The following SORCS2 variants were observed in gnomAD, a reference collection of about 807,000 sequenced individuals.
The protein encoded by SORCS2 is VPS10 domain-containing receptor SorCS2.
SORCS2 carries 100 observed loss-of-function variants against 141.6 expected under a neutral mutation model. The ratio of observed to expected loss-of-function variants is 0.71; its 90% CI spans 0.60 to 0.83. SORCS2 has a LOEUF of 0.83. Among genes scored for constraint, SORCS2 ranks in the 40% least tolerant of loss-of-function variants. SORCS2 has a pLI of 0.00. For synonymous variants in SORCS2, 789 were observed against 676.9 expected (o/e 1.17, Z -2.57); for missense variants, 1,646 against 1,560.2 (o/e 1.05, Z -0.93).
At chr4:7,689,464 G>T in intron 10 of SORCS2, 22 bp from the exon 11 acceptor site, 1 of 1,569,976 alleles carries the variant, frequency 6.4e-7, no homozygotes. Flanking sequence ...GTTGACAGTT[G>T]CGTCCTTTCT....
rs537141540 is a variant in SORCS2 at position 7,740,917 on chromosome 4, C to T, written c.*653C>T. On this transcript the variant is annotated 3_prime_UTR_variant, in exon 27 of 27. Transcript: ENST00000507866. ...CACCGGGGTGGCTCTGTCAGAGTTCCGTACTCGGGAGCCCCTTTCCCTGAG... is the reference window on the plus strand; with the variant it reads ...CACCGGGGTGGCTCTGTCAGAGTTCTGTACTCGGGAGCCCCTTTCCCTGAG... 41 of 398,080 alleles carry T rather than the reference C, an allele frequency of 1.0e-4. No individual in the cohort carries two copies. Among genetic ancestry groups the T allele is most frequent in the South Asian group, 2.8e-4 (2 of 7,046 alleles). The allele number at this position is 398,080 out of a possible 1,614,324, so 24.7% of individuals were successfully genotyped here. A position where few individuals can be genotyped will look rare whatever the true frequency, so the allele number is the denominator to read the frequency against.
At chr4:7,305,585 C>T (rs1457671643) in intron 1 of SORCS2, among the ~76,000 whole-genome samples, 1 of 151,994 alleles carries the variant, frequency 6.6e-6, no homozygotes, top group Admixed American at 6.6e-5. Flanking sequence ...GGCTCTAAGG[C>T]CCCCCCAGCA....
chr4:7,254,587 C>T (rs1170003887), intron 1 of SORCS2, among the ~76,000 whole-genome samples: 6 of 152,112 alleles, frequency 3.9e-5, no homozygotes, highest in African/African-American at 9.7e-5. Context: ...GATGGATACA[C>T]CCACTATACC....
chr4:7,378,478 G>A (rs897492174), intron 1 of SORCS2, among the ~76,000 whole-genome samples: 3 of 152,218 alleles, frequency 2.0e-5, no homozygotes, highest in Non-Finnish European at 4.4e-5. Context: ...GGCATCAGGA[G>A]AGAGAAGTGC....
At chr4:7,650,879 A>G (rs1014815726) in intron 4 of SORCS2, among the ~76,000 whole-genome samples, 4 of 152,198 alleles carry the variant, frequency 2.6e-5, no homozygotes, top group South Asian at 2.1e-4. Context: ...CTTTGCTTCT[A>G]TAACAAGGAC....
Position 7,233,889 on chromosome 4 carries a change from C to T in SORCS2, c.480+40763C>T, listed in dbSNP as rs1013065273. Among the ~76,000 whole-genome samples the T allele has an allele frequency of 3.3e-5, 5 of 152,178 alleles. No homozygotes were observed. Among genetic ancestry groups the T allele is most frequent in the Admixed American group, 6.5e-5 (1 of 15,290 alleles). On this transcript the variant is annotated intron_variant, in intron 1 of 26. Transcript: ENST00000507866. This position sits in a 1 kb window ranked among gnomAD's most constrained non-coding sequence, Gnocchi z 4.5. Reference sequence around the variant, plus strand: ...TGTAATACACTGTCCTGTCCGCTATCCCATCCCCTTCTCTGGTCTCAGTTT... The same window carrying T: ...TGTAATACACTGTCCTGTCCGCTATTCCATCCCCTTCTCTGGTCTCAGTTT...
At chr4:7,477,962 A>G (rs932438787) in intron 2 of SORCS2, among the ~76,000 whole-genome samples, 11 of 152,098 alleles carry the variant, frequency 7.2e-5, no homozygotes, top group African/African-American at 2.2e-4. Context: ...CTGCCCTCAG[A>G]TGTGTGTCTC....
intron 3 of SORCS2, among the ~76,000 whole-genome samples, chr4:7,564,493 A>G (rs116259619): frequency 0.025 from 3,797 of 152,286 alleles, 142 homozygotes; most frequent in African/African-American, 0.085. Context: ...TTACTGCTAT[A>G]AAGACTGCAA....
At chr4:7,646,459 C>T (rs1273123925) in intron 4 of SORCS2, among the ~76,000 whole-genome samples, 2 of 152,194 alleles carry the variant, frequency 1.3e-5, no homozygotes, top group African/African-American at 2.4e-5. Flanking sequence ...TCCCATTTGA[C>T]TGGTGTCCTT....
chr4:7,235,982 C>T (rs1319732819), intron 1 of SORCS2, among the ~76,000 whole-genome samples: 2 of 152,160 alleles, frequency 1.3e-5, no homozygotes, highest in African/African-American at 4.8e-5. Flanking sequence ...TTACTAGATG[C>T]TGAAGATGGA....
chr4:7,314,800 GTT>G (rs397880294), intron 1 of SORCS2, among the ~76,000 whole-genome samples: 8,408 of 107,254 alleles, frequency 0.078, 126 homozygotes, highest in Non-Finnish European at 0.12. Flanking sequence ...CCACTGTTCT[GTT>G]TTTTTTTTTT....
intron 3 of SORCS2, among the ~76,000 whole-genome samples, chr4:7,565,003 T>A (rs1228419161): frequency 3.3e-5 from 5 of 152,084 alleles, no homozygotes; most frequent in Non-Finnish European, 7.4e-5. Flanking sequence ...CTTTGGAAAT[T>A]AATTTCCTTT....
chr4:7,532,163 G>A (rs1044489882), intron 3 of SORCS2, among the ~76,000 whole-genome samples: 6 of 152,186 alleles, frequency 3.9e-5, no homozygotes, highest in Admixed American at 6.5e-5. Flanking sequence ...CGTGGGTTCC[G>A]TGAGAAGAGC....
chr4:7,665,937 C>A lies in SORCS2; in HGVS notation c.1072-1187C>A, dbSNP rs548691062. Among the ~76,000 whole-genome samples the A allele has an allele frequency of 2.6e-5, 4 of 152,228 alleles. No individual in the cohort carries two copies. In the East Asian group the frequency reaches 7.7e-4, roughly 29 times the overall value. On this transcript the variant is annotated intron_variant, in intron 7 of 26. Transcript: ENST00000507866. ...CAGTGCAGCAAGAGGGAACACATGC[C>A]CTGGGGAACCTGGGCATCTCAGAGA...
chr4:7,307,646 C>T (rs1000547705), intron 1 of SORCS2, among the ~76,000 whole-genome samples: 25 of 152,200 alleles, frequency 1.6e-4, no homozygotes, highest in African/African-American at 5.3e-4. Flanking sequence ...CAGAGGGAAG[C>T]GGCTGAGGGT....
intron 3 of SORCS2, among the ~76,000 whole-genome samples, chr4:7,590,674 T>A (rs962044752): frequency 2.0e-5 from 3 of 152,222 alleles, no homozygotes; most frequent in African/African-American, 7.2e-5. Flanking sequence ...TAATAGGGAA[T>A]GGGGCTGGGC....
At chr4:7,394,177 G>T (rs1432952656) in intron 1 of SORCS2, among the ~76,000 whole-genome samples, 1 of 152,084 alleles carries the variant, frequency 6.6e-6, no homozygotes, top group Non-Finnish European at 1.5e-5. Context: ...CGGTGGTGGT[G>T]GGGAGGTGGG....
chr4:7,327,808 C>A (rs6842332), intron 1 of SORCS2, among the ~76,000 whole-genome samples: 2 of 151,752 alleles, frequency 1.3e-5, no homozygotes, highest in African/African-American at 4.9e-5. Flanking sequence ...TGACCGCCCC[C>A]CCCAACCCCG....
intron 3 of SORCS2, among the ~76,000 whole-genome samples, chr4:7,599,926 C>T (rs1370592035): frequency 1.3e-5 from 2 of 151,632 alleles, no homozygotes; most frequent in African/African-American, 2.4e-5. Context: ...CAAGTTCAAG[C>T]AATTCTCACG....
Sources: allele counts gnomAD v4.1 joint callset (sites outside exome capture counted in the v4.1 genomes callset), GRCh38; gene constraint gnomAD v4.1.1; non-coding constraint Gnocchi (gnomAD v3.1); transcripts MANE v1.5; gene names NCBI Gene and HGNC (gene_info 2026-07-23, HGNC 2026-07-21).